RBFOX1: variants seen among roughly 807,000 people sequenced by gnomAD.
The protein encoded by RBFOX1 is RNA binding fox-1 homolog 1, also known as RNA binding protein fox-1 homolog 1.
RBFOX1 carries 8 observed loss-of-function variants against 57.7 expected under a neutral mutation model. That is an observed-to-expected ratio of 0.14 (90% CI 0.08 to 0.25). The LOEUF (loss-of-function observed/expected upper bound fraction) is 0.25, where lower values mean the gene tolerates loss of function less well. RBFOX1 is among the 10% of genes least tolerant of loss of function. The pLI is 1.00. For missense variants in RBFOX1, 611 were observed against 548.5 expected (o/e 1.11, Z -1.14); for synonymous variants, 326 against 222.4 (o/e 1.47, Z -4.15).
intron 1 of RBFOX1, among the ~76,000 whole-genome samples, chr16:6,101,712 A>G (rs994296392): frequency 3.9e-5 from 6 of 152,204 alleles, no homozygotes; most frequent in African/African-American, 1.4e-4. Flanking sequence ...ACCTGAGGTC[A>G]GGAATTTGAG....
intron 3 of RBFOX1, among the ~76,000 whole-genome samples, chr16:5,623,056 C>T (rs768684840): frequency 2.0e-5 from 3 of 152,000 alleles, no homozygotes; most frequent in Admixed American, 6.6e-5. Context: ...TTTTGGTATA[C>T]GGGGGAGTCT....
intron 1 of RBFOX1, among the ~76,000 whole-genome samples, chr16:5,319,341 G>C (rs2151244207): frequency 6.6e-6 from 1 of 152,276 alleles, no homozygotes; most frequent in African/African-American, 2.4e-5. Context: ...GCTAGTCACT[G>C]CCCTTGGAGT....
chr16:6,011,362 A>G (rs923460673), intron 4 of RBFOX1, among the ~76,000 whole-genome samples: 2 of 152,070 alleles, frequency 1.3e-5, no homozygotes, highest in African/African-American at 4.8e-5. Flanking sequence ...ACTTTAGAAA[A>G]TTTACAGAGT....
intron 1 of RBFOX1, among the ~76,000 whole-genome samples, chr16:5,293,699 T>A (rs1039305257): frequency 6.7e-6 from 1 of 149,368 alleles, no homozygotes; most frequent in Non-Finnish European, 1.5e-5. Flanking sequence ...AGGTCCAGAA[T>A]AGGCAAATCT....
At chr16:7,165,549 C>T (rs1053146556) in intron 4 of RBFOX1, among the ~76,000 whole-genome samples, 3 of 151,936 alleles carry the variant, frequency 2.0e-5, no homozygotes, top group African/African-American at 7.3e-5. Context: ...CCTGCCTCAG[C>T]CTCCTGAGTA....
chr16:6,526,232 T>C (rs1385580470), intron 2 of RBFOX1, among the ~76,000 whole-genome samples: 1 of 152,222 alleles, frequency 6.6e-6, no homozygotes, highest in African/African-American at 2.4e-5. Context: ...CTCACCCCAA[T>C]GTTTCTGCCA....
intron 4 of RBFOX1, among the ~76,000 whole-genome samples, chr16:7,092,481 C>G (rs372150141): frequency 6.6e-6 from 1 of 152,214 alleles, no homozygotes; most frequent in South Asian, 2.1e-4. Flanking sequence ...CCACAACAGC[C>G]TCTTTAATAC....
chr16:6,827,207 T>A (rs1381929711), intron 3 of RBFOX1, among the ~76,000 whole-genome samples: 1 of 152,134 alleles, frequency 6.6e-6, no homozygotes, highest in African/African-American at 2.4e-5. Flanking sequence ...GGTGTGTTTT[T>A]TTTTTTCTTC....
rs113832041 is a variant in RBFOX1, at chr16:6,934,824, G to A, written c.-15-117233G>A. ...ATTTAAGCCAGGTGCGGTGGCTCCT[G>A]CAGGTAATCCCAGCACTTTGGAAGG... is the stretch of plus-strand genomic sequence containing the variant. On this transcript the variant is annotated intron_variant, in intron 3 of 15. Transcript: ENST00000550418. Among the ~76,000 whole-genome samples, 938 of 152,240 alleles carry A rather than the reference G, an allele frequency of 6.2e-3. 15 individuals carry two copies. Among genetic ancestry groups the A allele is most frequent in the African/African-American group, 0.021 (858 of 41,562 alleles).
chr16:5,855,462 C>T (rs1490985560), intron 3 of RBFOX1, among the ~76,000 whole-genome samples: 2 of 152,148 alleles, frequency 1.3e-5, no homozygotes, highest in Non-Finnish European at 2.9e-5. Context: ...TTTCCCCATA[C>T]CATTTATTGA....
At chr16:6,065,766 T>C (rs1462535216) in intron 1 of RBFOX1, among the ~76,000 whole-genome samples, 1 of 152,192 alleles carries the variant, frequency 6.6e-6, no homozygotes, top group East Asian at 1.9e-4. Context: ...GTAATGCTTA[T>C]AACAGCCTCA....
chr16:6,118,184 C>T (rs563251618), intron 1 of RBFOX1, among the ~76,000 whole-genome samples: 1 of 152,202 alleles, frequency 6.6e-6, no homozygotes, highest in African/African-American at 2.4e-5. Context: ...GAAATATATA[C>T]TTCATTGAGT....
chr16:6,841,336 G>A (rs186566437), intron 3 of RBFOX1, among the ~76,000 whole-genome samples: 10 of 152,168 alleles, frequency 6.6e-5, no homozygotes, highest in African/African-American at 2.4e-4. Flanking sequence ...CAGCAAACAT[G>A]CATTGAAGAA....
At chr16:6,655,907 C>G (rs556134316) in intron 3 of RBFOX1, among the ~76,000 whole-genome samples, 1 of 152,136 alleles carries the variant, frequency 6.6e-6, no homozygotes, top group African/African-American at 2.4e-5. Context: ...CAAAAATTTG[C>G]TTTTAAATAA....
At chr16:5,905,147 A>T (rs1212150121) in intron 4 of RBFOX1, among the ~76,000 whole-genome samples, 3 of 139,586 alleles carry the variant, frequency 2.1e-5, no homozygotes, top group Non-Finnish European at 4.6e-5. Flanking sequence ...GGCTCACTGC[A>T]ACCTCCACCT....
At chr16:7,423,650 T>C (rs2098570286) in intron 4 of RBFOX1, among the ~76,000 whole-genome samples, 2 of 152,262 alleles carry the variant, frequency 1.3e-5, no homozygotes, top group South Asian at 4.1e-4. Context: ...GCTGTTTATA[T>C]GGTGCATGTG....
At chr16:7,059,783 T>A (rs2053671500) in intron 4 of RBFOX1, among the ~76,000 whole-genome samples, 2 of 152,032 alleles carry the variant, frequency 1.3e-5, no homozygotes, top group Non-Finnish European at 2.9e-5. Flanking sequence ...TTGCCAAGAG[T>A]CAGTTGTATT....
rs763935875 is a variant in RBFOX1, at chr16:7,271,350, TG to T, written c.27+219258del. On this transcript the variant is annotated intron_variant, in intron 4 of 15. Transcript: ENST00000550418. ...CAACAACTGGATCTTTGTTATTTCT[TG>T]GGGGGAGCTCGTATCAAACTCTCCC... Among the ~76,000 whole-genome samples, 3 of 151,954 alleles carry T rather than the reference TG, an allele frequency of 2.0e-5. No homozygotes were observed. In the East Asian group the frequency reaches 5.8e-4, roughly 30 times the overall value.
At chr16:7,337,173 G>T (rs1274370355) in intron 4 of RBFOX1, among the ~76,000 whole-genome samples, 1 of 152,146 alleles carries the variant, frequency 6.6e-6, no homozygotes, top group Non-Finnish European at 1.5e-5. Flanking sequence ...CACAAAGAAT[G>T]CGAGTGGTAT....
Sources: gnomAD v4.1 joint callset for allele counts (sites outside exome capture counted in the v4.1 genomes callset) on GRCh38, gnomAD v4.1.1 for gene constraint, MANE v1.5 for transcripts, NCBI Gene and HGNC (gene_info 2026-07-23, HGNC 2026-07-21) for gene names.